CYP2C19: variants seen among roughly 807,000 people sequenced by gnomAD.
CYP2C19 encodes cytochrome P450 2C19.
A neutral mutation model predicts 40.9 loss-of-function variants in CYP2C19; 59 were observed. The observed-to-expected ratio is 1.44, with a 90% confidence interval of 1.17 to 1.79. CYP2C19 has a LOEUF of 1.79. Ranked by LOEUF, CYP2C19 falls within the 40% of genes most tolerant of loss-of-function variation. The pLI is 0.00. For synonymous variants in CYP2C19, 253 were observed against 208.7 expected (o/e 1.21, Z -1.83); for missense variants, 754 against 596.9 (o/e 1.26, Z -2.74).
intron 6 of CYP2C19, among the ~76,000 whole-genome samples, chr10:94,833,443 GTT>G: frequency 6.7e-6 from 1 of 149,814 alleles, no homozygotes; most frequent in East Asian, 2.0e-4. Context: ...TATCTCAAGT[GTT>G]TTTTTTTCTT....
chr10:94,830,786 A>C (rs1849322436), intron 6 of CYP2C19, among the ~76,000 whole-genome samples: 2 of 152,132 alleles, frequency 1.3e-5, no homozygotes, highest in African/African-American at 4.8e-5. Context: ...GGTACAGAGT[A>C]GGTATATATT....
chr10:94,780,639 G>T lies in CYP2C19; in HGVS notation c.622G>T (p.Val208Leu), dbSNP rs1213978205. ...MEKLNENIRIVSTPWIQICNN... is the reference protein window; with the variant it reads ...MEKLNENIRILSTPWIQICNN... Reference sequence around the variant, plus strand: ...AAAATTGAATGAAAACATCAGGATTGTAAGCACCCCCTGGATCCAGGTAAG... The same window carrying T: ...AAAATTGAATGAAAACATCAGGATTTTAAGCACCCCCTGGATCCAGGTAAG... Residue 208 changes from valine to leucine, a missense_variant, in exon 4 of 9, where the codon GTA becomes TTA. By Grantham distance (32) the Val-to-Leu change is conservative. Transcript: ENST00000371321. 4 of 1,613,614 alleles carry T rather than the reference G, an allele frequency of 2.5e-6. No individual in the cohort carries two copies. In the African/African-American group the frequency reaches 4.0e-5, roughly 16 times the overall value.
Position 94,847,615 on chromosome 10 carries a change from G to A in CYP2C19, c.1150-2302G>A, listed in dbSNP as rs191812493. ...CCCAGTAATGGGATGGCTGGGTCAA[G>A]CGGTATTTCTAGTTCTAGACCCCTG... On this transcript the variant is annotated intron_variant, in intron 7 of 8. Coordinates refer to ENST00000371321, the MANE Select transcript of CYP2C19 (RefSeq NM_000769.4). 3.4e-3 allele frequency among the ~76,000 whole-genome samples: 516 copies of A among 152,176 alleles called. 3 individuals carry two copies. The highest frequency in any genetic ancestry group is 0.011 in the African/African-American group (449 of 41,534).
At chr10:94,829,418 C>G (rs1307118154) in intron 6 of CYP2C19, among the ~76,000 whole-genome samples, 1 of 152,206 alleles carries the variant, frequency 6.6e-6, no homozygotes, top group Non-Finnish European at 1.5e-5. Context: ...TCTTCCATTG[C>G]TGATACCCTT....
intron 7 of CYP2C19, among the ~76,000 whole-genome samples, chr10:94,847,625 T>C (rs2134290345): frequency 6.6e-6 from 1 of 152,336 alleles, no homozygotes; most frequent in Non-Finnish European, 1.5e-5. Flanking sequence ...GCGGTATTTC[T>C]AGTTCTAGAC....
intron 5 of CYP2C19, among the ~76,000 whole-genome samples, chr10:94,799,827 G>A (rs1042738717): frequency 6.6e-6 from 1 of 151,960 alleles, no homozygotes; most frequent in Non-Finnish European, 1.5e-5. Flanking sequence ...GCATCATGAA[G>A]TTCTCATTCC....
At chr10:94,847,008 C>T (rs1050038317) in intron 7 of CYP2C19, among the ~76,000 whole-genome samples, 2 of 151,944 alleles carry the variant, frequency 1.3e-5, no homozygotes, top group African/African-American at 4.8e-5. Context: ...TCACAAATGC[C>T]CTGTGAATAG....
chr10:94,828,896 A>T (rs1253766665), intron 6 of CYP2C19, among the ~76,000 whole-genome samples: 8 of 151,940 alleles, frequency 5.3e-5, no homozygotes, highest in African/African-American at 1.9e-4. Flanking sequence ...TTGTCTGTAA[A>T]GGATTTTATT....
At chr10:94,849,714 G>A (rs1189643592) in intron 7 of CYP2C19, among the ~76,000 whole-genome samples, 1 of 142,010 alleles carries the variant, frequency 7.0e-6, no homozygotes, top group African/African-American at 2.6e-5. Flanking sequence ...TCCTGATTGT[G>A]GGCATTTTAG....
In CYP2C19 at chr10:94,854,691, C is replaced by A. The variant is rs933897474; in HGVS notation, c.*1777C>A. ...TCACACATAATATATATATGTATAACTTATGCACACATACATATAGGGTTA... is the reference window on the plus strand; with the variant it reads ...TCACACATAATATATATATGTATAAATTATGCACACATACATATAGGGTTA... On this transcript the variant is annotated 3_prime_UTR_variant, in exon 9 of 9. Transcript: ENST00000371321. 6.6e-6 allele frequency among the ~76,000 whole-genome samples: 1 copy of A among 151,980 alleles called. No homozygotes were observed. The highest frequency in any genetic ancestry group is 2.4e-5 in the African/African-American group (1 of 41,388).
chr10:94,844,809 T>C (rs145947561), intron 7 of CYP2C19, among the ~76,000 whole-genome samples: 1 of 152,142 alleles, frequency 6.6e-6, no homozygotes, highest in Admixed American at 6.5e-5. Context: ...CTGAGGGTAA[T>C]AGTAATGAAA....
chr10:94,842,701 C>T (rs1849513924), intron 6 of CYP2C19, 136 bp from the exon 7 acceptor site: 1 of 990,532 alleles, frequency 1.0e-6, no homozygotes, highest in Non-Finnish European at 1.5e-6. Context: ...CTTTAAGTTA[C>T]ACATACTTCC....
intron 6 of CYP2C19, among the ~76,000 whole-genome samples, chr10:94,830,333 C>A (rs1263771107): frequency 6.6e-6 from 1 of 152,230 alleles, no homozygotes; most frequent in East Asian, 1.9e-4. Context: ...ACCCTCCGAG[C>A]CAGGTGCGGG....
intron 5 of CYP2C19, among the ~76,000 whole-genome samples, chr10:94,818,012 CAAAAAAAA>C (rs71031597): frequency 5.2e-5 from 4 of 77,150 alleles, no homozygotes; most frequent in African/African-American, 1.0e-4. Context: ...GACTCCATCT[CAAAAAAAA>C]AAAAAAAAAA....
rs1849695699 is a variant in CYP2C19 at position 94,854,000 on chromosome 10, A to T, written c.*1086A>T. Among the ~76,000 whole-genome samples the T allele has an allele frequency of 6.6e-6, 1 of 151,836 alleles. No homozygotes were observed. The highest frequency in any genetic ancestry group is 2.1e-4 in the South Asian group (1 of 4,818). ...TTTTGTCATGCTTCTCTCTTCAAAC[A>T]TGAACAAAATTTCTTTTCTTTTTTC... is the stretch of plus-strand genomic sequence containing the variant. On this transcript the variant is annotated 3_prime_UTR_variant, in exon 9 of 9. Coordinates refer to ENST00000371321, the MANE Select transcript of CYP2C19 (RefSeq NM_000769.4).
chr10:94,821,600 G>C (rs918750884), intron 6 of CYP2C19, among the ~76,000 whole-genome samples: 1 of 151,932 alleles, frequency 6.6e-6, no homozygotes, highest in Non-Finnish European at 1.5e-5. Context: ...TTTTTGGGGG[G>C]GCCAATAATT....
intron 7 of CYP2C19, 65 bp downstream of exon 7, chr10:94,843,089 C>A: frequency 6.3e-7 from 1 of 1,583,080 alleles, no homozygotes; most frequent in Non-Finnish European, 8.7e-7. Flanking sequence ...CAGTATGATT[C>A]TTACCCTCTA....
intron 6 of CYP2C19, 73 bp from the exon 7 acceptor site, chr10:94,842,764 T>C: frequency 2.7e-6 from 4 of 1,457,786 alleles, no homozygotes; most frequent in Admixed American, 1.7e-5. Context: ...TCATGATTCA[T>C]GTACCCCTGA....
At chr10:94,788,562 T>C (rs77436928) in intron 5 of CYP2C19, among the ~76,000 whole-genome samples, 3,311 of 152,136 alleles carry the variant, frequency 0.022, 117 homozygotes, top group African/African-American at 0.074. Flanking sequence ...TGTGTTCTCA[T>C]TGTTCATTTC....
Sources: gnomAD v4.1 joint callset for allele counts (sites outside exome capture counted in the v4.1 genomes callset) on GRCh38, gnomAD v4.1.1 for gene constraint, MANE v1.5 for transcripts, NCBI Gene and HGNC (gene_info 2026-07-23, HGNC 2026-07-21) for gene names.